CHST10: variants seen among roughly 807,000 people sequenced by gnomAD.
CHST10 encodes the protein HNK-1 sulfotransferase.
CHST10 carries 24 observed loss-of-function variants against 34.7 expected under a neutral mutation model. The ratio of observed to expected loss-of-function variants is 0.69; its 90% CI spans 0.50 to 0.97. The LOEUF (loss-of-function observed/expected upper bound fraction) is 0.97, where lower values mean the gene tolerates loss of function less well. CHST10 is among the 50% of genes least tolerant of loss of function. CHST10 has a pLI of 0.00. For synonymous variants in CHST10, 161 were observed against 169.3 expected (o/e 0.95, Z 0.38); for missense variants, 402 against 452.1 (o/e 0.89, Z 1.00).
chr2:100,405,563 G>A (rs1054696400), intron 3 of CHST10, among the ~76,000 whole-genome samples: 9 of 152,206 alleles, frequency 5.9e-5, no homozygotes, highest in African/African-American at 2.2e-4. Context: ...GGTGGAGCAG[G>A]GGCCTGTCCC....
chr2:100,394,131 C>A (rs912287204), intron 6 of CHST10, among the ~76,000 whole-genome samples: 9 of 152,080 alleles, frequency 5.9e-5, no homozygotes, highest in African/African-American at 1.7e-4. Flanking sequence ...TGTTCCTGGG[C>A]AGAAAATCAT....
At chr2:100,412,561 T>C (rs1410015335) in intron 2 of CHST10, among the ~76,000 whole-genome samples, 2 of 152,204 alleles carry the variant, frequency 1.3e-5, no homozygotes, top group African/African-American at 2.4e-5. Context: ...GTGACTCTAA[T>C]GAGCAGCTGG....
intron 3 of CHST10, 53 bp from the exon 4 acceptor site, chr2:100,402,708 G>T: frequency 6.7e-7 from 1 of 1,488,822 alleles, no homozygotes; most frequent in Non-Finnish European, 9.4e-7. Flanking sequence ...GCACACAGGT[G>T]GATGGGACAG....
intron 2 of CHST10, among the ~76,000 whole-genome samples, chr2:100,410,733 A>G (rs1384754838): frequency 6.6e-6 from 1 of 152,254 alleles, no homozygotes. Flanking sequence ...TTGAAAACAA[A>G]ATGATCTAAG....
intron 2 of CHST10, among the ~76,000 whole-genome samples, chr2:100,408,816 G>A (rs544858541): frequency 1.3e-5 from 2 of 151,826 alleles, no homozygotes; most frequent in East Asian, 2.0e-4. Flanking sequence ...TGCACTCAGG[G>A]GGGTCCATCC....
intron 4 of CHST10, among the ~76,000 whole-genome samples, chr2:100,399,747 CT>C (rs1675250184): frequency 6.6e-6 from 1 of 152,154 alleles, no homozygotes; most frequent in Non-Finnish European, 1.5e-5. Context: ...GGCCAGGATG[CT>C]TTCTCCCTTG....
Position 100,398,026 on chromosome 2 carries a change from A to G in CHST10, c.309T>C (p.Thr103=). The change falls in exon 5 of 7, where the codon ACT becomes ACC. Residue 103 remains threonine (T), a synonymous_variant. Coordinates refer to ENST00000264249, the MANE Select transcript of CHST10 (RefSeq NM_004854.5). ...GGTCCAGGACAAACTTGGAGACAGG[A>G]GTGTGCGAGAGATTCTTCAGGGCAT... ...RDDALKNLSH[T]PVSKFVLDRI... 1 of 1,614,180 alleles carries G rather than the reference A, an allele frequency of 6.2e-7. No individual in the cohort carries two copies. The highest frequency in any genetic ancestry group is 8.5e-7 in the Non-Finnish European group (1 of 1,180,030).
chr2:100,398,565 G>T (rs1447735989), intron 4 of CHST10, among the ~76,000 whole-genome samples: 3 of 152,076 alleles, frequency 2.0e-5, no homozygotes. Flanking sequence ...TTAGCTGGGT[G>T]TGGTGGTGCA....
In CHST10 at chr2:100,393,485, G is replaced by A. The variant is rs760627598; in HGVS notation, c.831C>T (p.Tyr277=). The A allele has an allele frequency of 1.2e-6, 2 of 1,614,090 alleles. No individual in the cohort carries two copies. Among genetic ancestry groups the A allele is most frequent in the Non-Finnish European group, 1.7e-6 (2 of 1,180,032 alleles). ...GGGTCTCGTGGTGTCCAATCACACT[G>A]TACATTATCTCACAGGGAGCACAGA... ...VELCAPCEIM[Y]SVIGHHETLE... Residue 277 remains tyrosine (Y), a synonymous_variant, in exon 7 of 7, where the codon TAC becomes TAT. Transcript: ENST00000264249.
intron 1 of CHST10, chr2:100,415,930 A>G (rs554756565): frequency 6.6e-6 from 1 of 152,320 alleles, no homozygotes; most frequent in South Asian, 2.1e-4. Context: ...CCGGGCTACT[A>G]ACTTGTACTG....
chr2:100,414,260 C>A (rs1045423085), intron 2 of CHST10, among the ~76,000 whole-genome samples: 1 of 152,052 alleles, frequency 6.6e-6, no homozygotes, highest in African/African-American at 2.4e-5. Flanking sequence ...GATGAGGAGG[C>A]CTGTCAATGG....
At chr2:100,397,818 CT>C in intron 5 of CHST10, 89 bp downstream of exon 5, 2 of 1,057,442 alleles carry the variant, frequency 1.9e-6, no homozygotes, top group Non-Finnish European at 2.8e-6. Flanking sequence ...AACCAGCCCT[CT>C]TGTGACTCCT....
chr2:100,414,767 G>GT (rs1573204476), intron 2 of CHST10, among the ~76,000 whole-genome samples: 2 of 152,238 alleles, frequency 1.3e-5, no homozygotes, highest in East Asian at 3.9e-4. Context: ...TACACCTGTA[G>GT]TTAAGACAGG....
chr2:100,416,799 C>T (rs926803386), intron 1 of CHST10: 1 of 405,780 alleles, frequency 2.5e-6, no homozygotes, highest in Admixed American at 3.1e-5. Flanking sequence ...CCCTTTCCTG[C>T]CTTGCAGACT....
At chr2:100,405,744 A>C (rs1249431561) in intron 3 of CHST10, among the ~76,000 whole-genome samples, 1 of 152,198 alleles carries the variant, frequency 6.6e-6, no homozygotes, top group Admixed American at 6.5e-5. Flanking sequence ...AGCCTAAAGG[A>C]ATGGGCCAAT....
chr2:100,394,311 C>A (rs1423809369), intron 6 of CHST10, among the ~76,000 whole-genome samples: 1 of 152,084 alleles, frequency 6.6e-6, no homozygotes, highest in African/African-American at 2.4e-5. Flanking sequence ...TGCAAGCGGG[C>A]GGCAGCAGAG....
chr2:100,395,064 G>A (rs1674991280), intron 6 of CHST10, among the ~76,000 whole-genome samples: 1 of 152,144 alleles, frequency 6.6e-6, no homozygotes, highest in Non-Finnish European at 1.5e-5. Context: ...TCTCTACCCT[G>A]CCCATGCTGG....
chr2:100,414,649 G>T (rs377676484), intron 2 of CHST10, among the ~76,000 whole-genome samples: 1 of 152,162 alleles, frequency 6.6e-6, no homozygotes, highest in Non-Finnish European at 1.5e-5. Flanking sequence ...TCTGCGTACA[G>T]AAATTTCCTT....
At chr2:100,407,368 C>A (rs184037141) in intron 2 of CHST10, among the ~76,000 whole-genome samples, 1 of 152,230 alleles carries the variant, frequency 6.6e-6, no homozygotes, top group African/African-American at 2.4e-5. Context: ...GCCACACTCT[C>A]CTGCAGGAGG....
Sources: allele counts gnomAD v4.1 joint callset (sites outside exome capture counted in the v4.1 genomes callset), GRCh38; gene constraint gnomAD v4.1.1; transcripts MANE v1.5; gene names NCBI Gene and HGNC (gene_info 2026-07-23, HGNC 2026-07-21).